Variants in GABRA1 observed in about 807,000 individuals in gnomAD.
GABRA1 encodes gamma-aminobutyric acid type A receptor subunit alpha1.
Under a neutral mutation model 48.9 loss-of-function variants are expected in GABRA1, and 9 were observed. The ratio of observed to expected loss-of-function variants is 0.18; its 90% CI spans 0.11 to 0.32. The LOEUF (loss-of-function observed/expected upper bound fraction) is 0.32. GABRA1 is among the 10% of genes least tolerant of loss of function. The pLI, the probability that GABRA1 is intolerant of heterozygous loss-of-function variation, is 1.00. For synonymous variants in GABRA1, 210 were observed against 198.7 expected, an observed-to-expected ratio of 1.06 and a Z score of -0.48; for missense variants, 285 against 553.8, an observed-to-expected ratio of 0.51 and a Z score of 4.87.
At chr5:161,851,719 CAT>C (rs1257912751) in intron 2 of GABRA1, among the ~76,000 whole-genome samples, 4 of 152,056 alleles carry the variant, frequency 2.6e-5, no homozygotes, top group African/African-American at 7.2e-5. Flanking sequence ...TCTGGAAAGA[CAT>C]ATGAATTTAG....
Position 161,897,171 on chromosome 5 carries a change from A to G in GABRA1, c.1120A>G (p.Ser374Gly). ...KNNTYAPTAT[S>G]YTPNLARGDP... is the part of the protein sequence containing the mutation. Reference sequence around the variant, plus strand: ...CAACACTTACGCTCCAACAGCAACCAGCTACACCCCTAATTTGGCCAGGGG... The same window carrying G: ...CAACACTTACGCTCCAACAGCAACCGGCTACACCCCTAATTTGGCCAGGGG... Residue 374 changes from serine (S) to glycine (G), a missense_variant, in exon 10 of 10, where the codon AGC becomes GGC. Ser to Gly is a moderately conservative substitution (Grantham distance 56, BLOSUM62 0). Transcript: ENST00000393943. The G allele has an allele frequency of 6.2e-7, 1 of 1,614,128 alleles. No homozygotes were observed. Among genetic ancestry groups the G allele is most frequent in the Non-Finnish European group, 8.5e-7 (1 of 1,180,016 alleles).
intron 4 of GABRA1, among the ~76,000 whole-genome samples, chr5:161,870,217 T>C (rs567623689): frequency 6.6e-6 from 1 of 152,198 alleles, no homozygotes; most frequent in African/African-American, 2.4e-5. Flanking sequence ...ACATCCATAG[T>C]CATTATGCTA....
Position 161,897,174 on chromosome 5 carries a change from T to G in GABRA1, c.1123T>G (p.Tyr375Asp). 6.2e-7 allele frequency: 1 copy of G among 1,614,078 alleles called. No homozygotes were observed. The highest frequency in any genetic ancestry group is 8.5e-7 in the Non-Finnish European group (1 of 1,179,998). The change falls in exon 10 of 10, where the codon TAC becomes GAC. Residue 375 changes from tyrosine to aspartate, a missense_variant. Coordinates refer to ENST00000393943, the MANE Select transcript of GABRA1 (RefSeq NM_001127644.2). ...NNTYAPTATSYTPNLARGDPG... is the reference protein window; with the variant it reads ...NNTYAPTATSDTPNLARGDPG... The stretch of plus-strand genomic sequence containing the variant: ...CACTTACGCTCCAACAGCAACCAGC[T>G]ACACCCCTAATTTGGCCAGGGGCGA...
At position 161,897,744 on chromosome 5, in the gene GABRA1, C is replaced by A. The variant is rs1755437568; in HGVS notation, c.*322C>A. 1 of 254,824 alleles carries A rather than the reference C, an allele frequency of 3.9e-6. No individual in the cohort carries two copies. The highest frequency in any genetic ancestry group is 7.5e-6 in the Non-Finnish European group (1 of 133,570). 15.8% of individuals were successfully genotyped at this position (254,824 alleles called of 1,614,324 possible). On this transcript the variant is annotated 3_prime_UTR_variant, in exon 10 of 10. Coordinates refer to ENST00000393943, the MANE Select transcript of GABRA1 (RefSeq NM_001127644.2). ...AAAAAAAATAACACTTAACTAAAAC[C>A]CCTAGGTCATTTGTAGATATATATT...
At position 161,891,063 on chromosome 5, in the gene GABRA1, C is replaced by A; in HGVS notation, c.856+13C>A. On this transcript the variant is annotated intron_variant, in intron 8 of 9. Coordinates refer to ENST00000393943, the MANE Select transcript of GABRA1 (RefSeq NM_001127644.2). ...AGAACTGTCTTTGGTAAGTCCCAAT[C>A]AAGATACATACGCAAGGAAGGGTAT... 6.2e-7 allele frequency: 1 copy of A among 1,612,640 alleles called. No individual in the cohort carries two copies.
At chr5:161,886,007 T>G (rs1307645425) in intron 7 of GABRA1, among the ~76,000 whole-genome samples, 2 of 152,322 alleles carry the variant, frequency 1.3e-5, no homozygotes. Flanking sequence ...ATTGGCACTG[T>G]TCTATTCTTC....
intron 5 of GABRA1, among the ~76,000 whole-genome samples, chr5:161,873,744 A>C (rs1450721747): frequency 2.6e-5 from 4 of 152,192 alleles, no homozygotes; most frequent in Non-Finnish European, 4.4e-5. Flanking sequence ...AAAATTCATA[A>C]AACACAGATT....
At chr5:161,863,351 A>C (rs374158890) in intron 3 of GABRA1, among the ~76,000 whole-genome samples, 15 of 152,122 alleles carry the variant, frequency 9.9e-5, no homozygotes, top group East Asian at 5.8e-4. Flanking sequence ...AGGCTGTACA[A>C]GCATGACACT....
intron 8 of GABRA1, among the ~76,000 whole-genome samples, chr5:161,895,239 T>TTC (rs2113462714): frequency 6.6e-6 from 1 of 152,244 alleles, no homozygotes; most frequent in African/African-American, 2.4e-5. Context: ...CTGGTTTACA[T>TTC]ATTTGGGGTA....
rs1256513381 is a variant in GABRA1, at chr5:161,898,131, C to T, written c.*709C>T. 1 of 152,364 alleles carries T rather than the reference C, an allele frequency of 6.6e-6. No homozygotes were observed. Among genetic ancestry groups the T allele is most frequent in the Non-Finnish European group, 1.5e-5 (1 of 68,044 alleles). The allele number at this position is 152,364 out of a possible 1,614,324, so 9.4% of individuals were successfully genotyped here. On this transcript the variant is annotated 3_prime_UTR_variant, in exon 10 of 10. Transcript: ENST00000393943. ...TAAATGCTTTAAATAGTTTACTTCA[C>T]TTTCATCTGAGCTTTTACCACTAGA...
At chr5:161,895,607 T>G in intron 8 of GABRA1, 59 bp from the exon 9 acceptor site, 1 of 1,439,836 alleles carries the variant, frequency 6.9e-7, no homozygotes. Context: ...GGCTGTCCCA[T>G]CATGATGAAA....
chr5:161,870,159 A>G (rs1754042673), intron 4 of GABRA1, among the ~76,000 whole-genome samples: 1 of 152,146 alleles, frequency 6.6e-6, no homozygotes, highest in Non-Finnish European at 1.5e-5. Flanking sequence ...GGACTTAGCA[A>G]GCGTAAAATA....
At chr5:161,858,108 C>A (rs1757721357) in intron 3 of GABRA1, among the ~76,000 whole-genome samples, 1 of 151,438 alleles carries the variant, frequency 6.6e-6, no homozygotes, top group Non-Finnish European at 1.5e-5. Context: ...GAATTAATCT[C>A]ATGAGCCTGG....
intron 3 of GABRA1, among the ~76,000 whole-genome samples, chr5:161,860,414 G>A (rs1319628182): frequency 6.9e-6 from 1 of 145,426 alleles, no homozygotes; most frequent in African/African-American, 2.5e-5. Context: ...CTTATTAGTG[G>A]AAATTAAAAA....
At chr5:161,860,618 T>A (rs2113334246) in intron 3 of GABRA1, among the ~76,000 whole-genome samples, 1 of 150,932 alleles carries the variant, frequency 6.6e-6, no homozygotes, top group East Asian at 2.0e-4. Context: ...CTGGACATTT[T>A]AAAATAACTA....
At chr5:161,887,638 T>C (rs1437582315) in intron 7 of GABRA1, among the ~76,000 whole-genome samples, 5 of 152,138 alleles carry the variant, frequency 3.3e-5, no homozygotes, top group East Asian at 1.9e-4. Flanking sequence ...TTTTGCAATA[T>C]TAGTATCCAT....
rs564360317 is a variant in GABRA1, at chr5:161,850,944, C to T, written c.74+60C>T. 1.6e-4 allele frequency: 221 copies of T among 1,416,452 alleles called. 2 individuals carry two copies. The South Asian group carries it at 1.8e-3, about 11-fold the overall frequency. The allele number at this position is 1,416,452 out of a possible 1,614,324, so 87.7% of individuals were successfully genotyped here. On this transcript the variant is annotated intron_variant, in intron 2 of 9. Coordinates refer to ENST00000393943, the MANE Select transcript of GABRA1 (RefSeq NM_001127644.2). ...TTCTGTAACTTTTCATTTATTTTAT[C>T]GGGGGAAGAAAATTGTCCTCAAATG...
chr5:161,883,199 G>T (rs77105946), intron 7 of GABRA1, among the ~76,000 whole-genome samples: 2,911 of 152,140 alleles, frequency 0.019, 50 homozygotes, highest in Non-Finnish European at 0.03. Flanking sequence ...ATTATTACAC[G>T]CAGGACATCA....
At chr5:161,872,564 G>A (rs1484507657) in intron 4 of GABRA1, among the ~76,000 whole-genome samples, 2 of 152,050 alleles carry the variant, frequency 1.3e-5, no homozygotes, top group East Asian at 3.8e-4. Context: ...ATAATTGAAA[G>A]TCTATATACA....
Sources: allele counts gnomAD v4.1 joint callset (sites outside exome capture counted in the v4.1 genomes callset), GRCh38; gene constraint gnomAD v4.1.1; transcripts MANE v1.5; gene names NCBI Gene and HGNC (gene_info 2026-07-23, HGNC 2026-07-21).